The following ZC3H3 variants were observed in gnomAD, a reference collection of about 807,000 sequenced individuals.
ZC3H3 encodes zinc finger CCCH domain-containing protein 3.
Under a neutral mutation model 77.3 loss-of-function variants are expected in ZC3H3, and 36 were observed. The observed-to-expected ratio is 0.47, with a 90% confidence interval of 0.36 to 0.61. The LOEUF (loss-of-function observed/expected upper bound fraction) is 0.61, where lower values mean the gene tolerates loss of function less well. ZC3H3 is among the 20% of genes least tolerant of loss of function. The pLI, the probability that ZC3H3 is intolerant of heterozygous loss-of-function variation, is 0.00. For missense variants in ZC3H3, 1,331 were observed against 1,312.2 expected (o/e 1.01, Z -0.22); for synonymous variants, 626 against 555.2 (o/e 1.13, Z -1.79).
In ZC3H3 at chr8:143,533,058, G is replaced by C. The variant is rs1822671792; in HGVS notation, c.1561+3199C>G. ...CTCCCGACTCTGCCCACTCGGGCCT[G>C]CCAGACACCCCGGGGCCCTGGACAC... On this transcript the variant is annotated intron_variant, in intron 3 of 11. Transcript: ENST00000262577. The surrounding 1 kb of genome is among the most constrained non-coding windows in gnomAD (Gnocchi z 4.0). Among the ~76,000 whole-genome samples, 2 of 152,062 alleles carry C rather than the reference G, an allele frequency of 1.3e-5. No individual in the cohort carries two copies. The highest frequency in any genetic ancestry group is 6.5e-5 in the Admixed American group (1 of 15,272).
intron 11 of ZC3H3, among the ~76,000 whole-genome samples, chr8:143,438,408 A>G (rs1819639379): frequency 6.6e-6 from 1 of 152,172 alleles, no homozygotes; most frequent in African/African-American, 2.4e-5. Flanking sequence ...CCCGGCCACA[A>G]GGTCTGCAGG....
chr8:143,501,685 G>A (rs143967294), intron 4 of ZC3H3, among the ~76,000 whole-genome samples: 4 of 151,976 alleles, frequency 2.6e-5, no homozygotes, highest in African/African-American at 7.2e-5. Context: ...TTCATCCCAC[G>A]GTCCTCTGAC....
intron 5 of ZC3H3, among the ~76,000 whole-genome samples, chr8:143,474,860 G>A (rs1167782759): frequency 2.0e-5 from 3 of 152,246 alleles, no homozygotes; most frequent in African/African-American, 7.2e-5. Context: ...GCAAGGTGGC[G>A]GCGCCGGCTG....
At chr8:143,468,883 G>C (rs1427991293) in intron 5 of ZC3H3, among the ~76,000 whole-genome samples, 1 of 152,202 alleles carries the variant, frequency 6.6e-6, no homozygotes, top group Admixed American at 6.5e-5. Context: ...GGGAGCTGCT[G>C]GGCCCTGTGT....
Position 143,538,431 on chromosome 8 carries a change from T to C in ZC3H3, c.936A>G (p.Lys312=), listed in dbSNP as rs1822879378. 3 of 1,613,142 alleles carry C rather than the reference T, an allele frequency of 1.9e-6. No individual in the cohort carries two copies. The highest frequency in any genetic ancestry group is 1.6e-4 in the Middle Eastern group (1 of 6,062). The part of the protein sequence containing the change: ...RTNKFRKNNY[K]WVAASSKSPR... Reference sequence around the variant, plus strand: ...GACTCTTCGAGGAGGCAGCCACCCATTTGTAGTTGTTTTTCCGGAACTTGT... The same window carrying C: ...GACTCTTCGAGGAGGCAGCCACCCACTTGTAGTTGTTTTTCCGGAACTTGT... Residue 312 remains lysine, a synonymous_variant, in exon 2 of 12, where the codon AAA becomes AAG. Transcript: ENST00000262577.
At position 143,453,854 on chromosome 8, in the gene ZC3H3, A is replaced by G. The variant is rs117637077; in HGVS notation, c.2307+11863T>C. Among the ~76,000 whole-genome samples the G allele has an allele frequency of 6.6e-5, 10 of 152,306 alleles. No homozygotes were observed. The East Asian group carries it at 1.9e-3, about 29-fold the overall frequency. On this transcript the variant is annotated intron_variant, in intron 9 of 11. Coordinates refer to ENST00000262577, the MANE Select transcript of ZC3H3 (RefSeq NM_015117.3). ...AGGGGAGGTTAAGGGAGATGAGGGA[A>G]GGTAGGGTTTCCACACTTCACTCAA...
At position 143,443,176 on chromosome 8, in the gene ZC3H3, T is replaced by C. The variant is rs112608438; in HGVS notation, c.2308-2056A>G. ...GGCACGCACCTGTAATCCAAGCTAC[T>C]TGGGAGGCTGAGGCAGAAGAATCGC... is the stretch of plus-strand genomic sequence containing the variant. On this transcript the variant is annotated intron_variant, in intron 9 of 11. Coordinates refer to ENST00000262577, the MANE Select transcript of ZC3H3 (RefSeq NM_015117.3). Among the ~76,000 whole-genome samples the C allele has an allele frequency of 2.4e-3, 357 of 151,110 alleles. 2 individuals carry two copies. The highest frequency in any genetic ancestry group is 8.0e-3 in the African/African-American group (328 of 41,100).
intron 3 of ZC3H3, 104 bp downstream of exon 3, chr8:143,536,153 T>C: frequency 7.3e-7 from 1 of 1,379,270 alleles, no homozygotes; most frequent in Non-Finnish European, 9.7e-7. Flanking sequence ...AGCCAGGGCC[T>C]CTACCAGCAT....
intron 3 of ZC3H3, among the ~76,000 whole-genome samples, chr8:143,528,520 G>A (rs1008307073): frequency 2.0e-5 from 3 of 152,258 alleles, no homozygotes; most frequent in African/African-American, 4.8e-5. Context: ...AGGAGGTTAC[G>A]GCGAGGATGG....
chr8:143,471,422 C>T lies in ZC3H3; in HGVS notation c.1904-2763G>A, dbSNP rs534338575. Among the ~76,000 whole-genome samples, 5 of 152,330 alleles carry T rather than the reference C, an allele frequency of 3.3e-5. No individual in the cohort carries two copies. In the East Asian group the frequency reaches 7.7e-4, roughly 23 times the overall value. ...GCAGAGGCCGGACGTGCCAGGAACA[C>T]GCAGCAGCTGGCCCACAGCAGGGAG... On this transcript the variant is annotated intron_variant, in intron 5 of 11. Coordinates refer to ENST00000262577, the MANE Select transcript of ZC3H3 (RefSeq NM_015117.3).
chr8:143,476,819 C>T (rs1156888642), intron 4 of ZC3H3, among the ~76,000 whole-genome samples: 2 of 152,384 alleles, frequency 1.3e-5, no homozygotes, highest in East Asian at 1.9e-4. Flanking sequence ...CATGGCCCTG[C>T]AGCTACACAG....
intron 4 of ZC3H3, among the ~76,000 whole-genome samples, chr8:143,492,664 G>T (rs1821240619): frequency 6.6e-6 from 1 of 152,208 alleles, no homozygotes; most frequent in Admixed American, 6.5e-5. Flanking sequence ...GATCAGAACA[G>T]CAAAGGAAGA....
At chr8:143,491,854 C>T (rs536045143) in intron 4 of ZC3H3, among the ~76,000 whole-genome samples, 3 of 152,214 alleles carry the variant, frequency 2.0e-5, no homozygotes, top group Admixed American at 6.5e-5. Flanking sequence ...AGGACACCCT[C>T]GGCCCTGGGC....
intron 9 of ZC3H3, among the ~76,000 whole-genome samples, chr8:143,459,942 T>G (rs1040904624): frequency 6.6e-6 from 1 of 152,068 alleles, no homozygotes; most frequent in Non-Finnish European, 1.5e-5. Flanking sequence ...TAATTCAATA[T>G]AGTATTAAAA....
chr8:143,518,649 GC>G (rs1282234857), intron 3 of ZC3H3, among the ~76,000 whole-genome samples: 5 of 152,254 alleles, frequency 3.3e-5, no homozygotes, highest in Non-Finnish European at 7.3e-5. Context: ...TGCCCTGAGG[GC>G]CTCCTCCAGG....
chr8:143,445,799 T>C (rs1044163051), intron 9 of ZC3H3, among the ~76,000 whole-genome samples: 6 of 152,154 alleles, frequency 3.9e-5, no homozygotes, highest in Non-Finnish European at 8.8e-5. Context: ...CAGATGCCCA[T>C]TCCACCAAAC....
At chr8:143,461,220 A>C (rs1227474457) in intron 9 of ZC3H3, among the ~76,000 whole-genome samples, 1 of 152,184 alleles carries the variant, frequency 6.6e-6, no homozygotes. Flanking sequence ...GCTGTTTTTC[A>C]AAAAAAGATA....
At position 143,460,958 on chromosome 8, in the gene ZC3H3, G is replaced by C. The variant is rs367804851; in HGVS notation, c.2307+4759C>G. ...GGTGTCTAACTAGGGTTTGGGAAGCGGGGAGTGGAGAGTCATTGCTGAATA... is the reference window on the plus strand; with the variant it reads ...GGTGTCTAACTAGGGTTTGGGAAGCCGGGAGTGGAGAGTCATTGCTGAATA... On this transcript the variant is annotated intron_variant, in intron 9 of 11. Transcript: ENST00000262577. This position sits in a 1 kb window ranked among gnomAD's most constrained non-coding sequence, Gnocchi z 4.0. Among the ~76,000 whole-genome samples the C allele has an allele frequency of 1.3e-5, 2 of 152,178 alleles. No homozygotes were observed. Among genetic ancestry groups the C allele is most frequent in the Non-Finnish European group, 2.9e-5 (2 of 68,032 alleles).
At chr8:143,534,365 G>A (rs922181853) in intron 3 of ZC3H3, among the ~76,000 whole-genome samples, 4 of 150,624 alleles carry the variant, frequency 2.7e-5, no homozygotes, top group East Asian at 2.0e-4. Flanking sequence ...TGTGCACTCC[G>A]AAATGGTCAG....
Sources: gnomAD v4.1 joint callset for allele counts (sites outside exome capture counted in the v4.1 genomes callset) on GRCh38, gnomAD v4.1.1 for gene constraint, Gnocchi (gnomAD v3.1) non-coding constraint, MANE v1.5 for transcripts, NCBI Gene and HGNC (gene_info 2026-07-23, HGNC 2026-07-21) for gene names.